Variants in TBL1X observed in about 807,000 individuals in gnomAD.
TBL1X encodes transducin beta like 1 X-linked.
Under a neutral mutation model 50.7 loss-of-function variants are expected in TBL1X, and 10 were observed. The observed-to-expected ratio is 0.20, with a 90% confidence interval of 0.12 to 0.33. The LOEUF is 0.33. Ranked by LOEUF, TBL1X falls within the 10% of genes least tolerant of loss-of-function variation. The pLI is 1.00. For synonymous variants in TBL1X, 190 were observed against 214.7 expected (o/e 0.88, Z 1.01); for missense variants, 340 against 504.4 (o/e 0.67, Z 3.12).
intron 2 of TBL1X, among the ~76,000 whole-genome samples, chrX:9,635,091 T>G (rs2082739154): frequency 9.0e-6 from 1 of 111,620 alleles, no homozygotes; most frequent in South Asian, 3.8e-4. Context: ...GCCTCCTTCC[T>G]GTGGCTGCTG....
rs756265489 is a variant in TBL1X, at chrX:9,532,527, G to A, written c.-131+30678G>A. Reference sequence around the variant, plus strand: ...TGCTTAGCATTCCCACGCCTCCCACGGGCCTGGCACTGGGCCCGCGGGCTT... The same window carrying A: ...TGCTTAGCATTCCCACGCCTCCCACAGGCCTGGCACTGGGCCCGCGGGCTT... On this transcript the variant is annotated intron_variant, in intron 2 of 17. Transcript: ENST00000645353. 9.0e-5 allele frequency among the ~76,000 whole-genome samples: 10 copies of A among 111,296 alleles called. No homozygotes were observed. In the South Asian group the frequency reaches 1.9e-3, roughly 21 times the overall value.
intron 5 of TBL1X, among the ~76,000 whole-genome samples, chrX:9,657,251 G>A (rs2082870020): frequency 8.9e-6 from 1 of 112,224 alleles, no homozygotes. Context: ...CTGCTTCCCT[G>A]GAAGGTCTGC....
chrX:9,525,679 G>C (rs1231916446), intron 2 of TBL1X, among the ~76,000 whole-genome samples: 1 of 112,311 alleles, frequency 8.9e-6, no homozygotes, highest in Non-Finnish European at 1.9e-5. Context: ...ATGAGCAGGA[G>C]GAAATAACTC....
At chrX:9,546,327 A>G (rs1240482989) in intron 2 of TBL1X, among the ~76,000 whole-genome samples, 1 of 111,890 alleles carries the variant, frequency 8.9e-6, no homozygotes, top group African/African-American at 3.3e-5. Context: ...ATCCTGGCTA[A>G]CACAGTGAAA....
intron 2 of TBL1X, among the ~76,000 whole-genome samples, chrX:9,505,524 C>T (rs1228339255): frequency 8.9e-6 from 1 of 111,822 alleles, no homozygotes; most frequent in East Asian, 2.8e-4. Flanking sequence ...GGAGTCAAGA[C>T]TCATTGGTGT....
intron 13 of TBL1X, among the ~76,000 whole-genome samples, chrX:9,706,393 A>G (rs1569105880): frequency 9.0e-6 from 1 of 111,565 alleles, no homozygotes; most frequent in East Asian, 2.8e-4. Flanking sequence ...GTAACAGCCA[A>G]GTTTTCCTAA....
intron 12 of TBL1X, among the ~76,000 whole-genome samples, chrX:9,703,535 C>T (rs372131849): frequency 1.2e-4 from 13 of 111,531 alleles, no homozygotes; most frequent in Non-Finnish European, 2.1e-4. Flanking sequence ...AGTCCGTGGA[C>T]GCCTGAGAGG....
At chrX:9,526,585 C>G (rs1419164244) in intron 2 of TBL1X, among the ~76,000 whole-genome samples, 2 of 111,002 alleles carry the variant, frequency 1.8e-5, no homozygotes, top group Non-Finnish European at 3.8e-5. Flanking sequence ...AAGGTGGGTA[C>G]CCTTTTTCTG....
chrX:9,576,365 G>A (rs2082411755), intron 2 of TBL1X, among the ~76,000 whole-genome samples: 1 of 112,264 alleles, frequency 8.9e-6, no homozygotes, highest in African/African-American at 3.2e-5. Context: ...GGTAACTCTG[G>A]GAGCACAAAC....
intron 2 of TBL1X, among the ~76,000 whole-genome samples, chrX:9,544,558 G>A (rs770047617): frequency 2.4e-4 from 27 of 110,921 alleles, no homozygotes; most frequent in Non-Finnish European, 4.0e-4. Context: ...TTTACTCAAT[G>A]TTTATTTATT....
At chrX:9,479,822 C>CA (rs2081869907) in intron 1 of TBL1X, among the ~76,000 whole-genome samples, 1 of 111,714 alleles carries the variant, frequency 9.0e-6, no homozygotes, top group Non-Finnish European at 1.9e-5. Context: ...GTTAAAATTG[C>CA]TTATTTACCA....
intron 1 of TBL1X, among the ~76,000 whole-genome samples, chrX:9,471,649 G>A (rs1035890829): frequency 8.9e-6 from 1 of 111,832 alleles, no homozygotes; most frequent in Admixed American, 9.5e-5. Flanking sequence ...GGCGCTTTGT[G>A]CTGCTGGGCG....
At chrX:9,591,023 G>C (rs1002287647) in intron 2 of TBL1X, among the ~76,000 whole-genome samples, 2 of 109,770 alleles carry the variant, frequency 1.8e-5, no homozygotes, top group Non-Finnish European at 3.8e-5. Flanking sequence ...TATGGGGAAA[G>C]GAGTAATCTA....
In TBL1X at chrX:9,713,421, CTTTTCTTTTTT is replaced by C. The variant is rs1183220354; in HGVS notation, c.1606-1476_1606-1466del. Among the ~76,000 whole-genome samples the C allele has an allele frequency of 8.0e-5, 7 of 87,570 alleles. 1 individual carries two copies. The highest frequency in any genetic ancestry group is 2.8e-4 in the African/African-American group (6 of 21,546). The allele number at this position is 87,570 out of a possible 115,157, so 76.0% of individuals were successfully genotyped here. A position where few individuals can be genotyped will look rare whatever the true frequency, so the allele number is the denominator to read the frequency against. On this transcript the variant is annotated intron_variant, in intron 16 of 17. Coordinates refer to ENST00000645353, the MANE Select transcript of TBL1X (RefSeq NM_005647.4). ...TTATAAATCAAAGAAATCCTTAGGA[CTTTTCTTTTTT>C]TTTTTTTTTTTTGGATCGGAGTTTC...
intron 2 of TBL1X, among the ~76,000 whole-genome samples, chrX:9,545,156 G>A (rs957219607): frequency 9.3e-5 from 10 of 107,780 alleles, no homozygotes; most frequent in East Asian, 3.0e-4. Context: ...ACAGGTACCC[G>A]CCACCACGCC....
At position 9,716,075 on chromosome X, in the gene TBL1X, T is replaced by TG; in HGVS notation, c.1708-145_1708-144insG. The TG allele has an allele frequency of 5.0e-6, 3 of 604,911 alleles. No homozygotes were observed. The South Asian group carries it at 8.3e-5, about 17-fold the overall frequency. The allele number at this position is 604,911 out of a possible 1,213,427, so 49.9% of individuals were successfully genotyped here. A position where few individuals can be genotyped will look rare whatever the true frequency, so the allele number is the denominator to read the frequency against. ...CTGTTATGAGAGCTTCTCTGACCCTTCATGACGATGTTCCAATAAACTTTA... is the reference window on the plus strand; with the variant it reads ...CTGTTATGAGAGCTTCTCTGACCCTTGCATGACGATGTTCCAATAAACTTTA... On this transcript the variant is annotated intron_variant, in intron 17 of 17. Coordinates refer to ENST00000645353, the MANE Select transcript of TBL1X (RefSeq NM_005647.4).
At chrX:9,683,549 G>A (rs192109420) in intron 5 of TBL1X, among the ~76,000 whole-genome samples, 168 of 111,537 alleles carry the variant, frequency 1.5e-3, no homozygotes, top group South Asian at 0.011. Flanking sequence ...CTTGCCCCGC[G>A]TGCCAGGAGG....
At chrX:9,615,356 A>G (rs1000281906) in intron 2 of TBL1X, among the ~76,000 whole-genome samples, 11 of 111,912 alleles carry the variant, frequency 9.8e-5, no homozygotes, top group Non-Finnish European at 1.5e-4. Context: ...CTGAGTACCC[A>G]TGTAAAATTC....
chrX:9,656,334 C>G (rs749821749), intron 5 of TBL1X, among the ~76,000 whole-genome samples: 1 of 112,820 alleles, frequency 8.9e-6, no homozygotes, highest in African/African-American at 3.2e-5. Flanking sequence ...AAGAGACTCA[C>G]AGCTCTTGTG....
Sources: gnomAD v4.1 joint callset for allele counts (sites outside exome capture counted in the v4.1 genomes callset) on GRCh38, gnomAD v4.1.1 for gene constraint, MANE v1.5 for transcripts, NCBI Gene and HGNC (gene_info 2026-07-23, HGNC 2026-07-21) for gene names.